Variants in WWOX observed in about 807,000 individuals in gnomAD.
WWOX encodes WW domain containing oxidoreductase, also known as WW domain-containing oxidoreductase.
A neutral mutation model predicts 46.2 loss-of-function variants in WWOX; 69 were observed. The ratio of observed to expected loss-of-function variants is 1.49; its 90% CI spans 1.23 to 1.82. The LOEUF is 1.82. WWOX is among the 40% of genes most tolerant of loss of function. WWOX has a pLI of 0.00. For synonymous variants in WWOX, 359 were observed against 202.6 expected, an observed-to-expected ratio of 1.77 and a Z score of -6.56; for missense variants, 919 against 542.6, an observed-to-expected ratio of 1.69 and a Z score of -6.89.
intron 8 of WWOX, among the ~76,000 whole-genome samples, chr16:78,635,953 GA>G (rs1480604802): frequency 6.6e-6 from 1 of 152,184 alleles, no homozygotes; most frequent in Non-Finnish European, 1.5e-5. Context: ...TGGAAGTACA[GA>G]GGAAGCCTTG....
chr16:79,118,366 A>G (rs557551800), intron 8 of WWOX, among the ~76,000 whole-genome samples: 1 of 152,362 alleles, frequency 6.6e-6, no homozygotes, highest in African/African-American at 2.4e-5. Context: ...CCAAAAAATG[A>G]CAATGGGGAC....
At chr16:78,106,095 C>T (rs1042971597) in intron 1 of WWOX, among the ~76,000 whole-genome samples, 1 of 152,236 alleles carries the variant, frequency 6.6e-6, no homozygotes, top group Admixed American at 6.5e-5. Context: ...AGCCACCGTA[C>T]CCCGCCACTC....
intron 8 of WWOX, among the ~76,000 whole-genome samples, chr16:78,628,327 C>T (rs889329793): frequency 6.6e-6 from 1 of 152,116 alleles, no homozygotes; most frequent in Non-Finnish European, 1.5e-5. Context: ...AGAATCTCAG[C>T]CTTCCAGCAG....
At chr16:79,149,663 C>T (rs950581474) in intron 8 of WWOX, among the ~76,000 whole-genome samples, 2 of 152,208 alleles carry the variant, frequency 1.3e-5, no homozygotes, top group Non-Finnish European at 2.9e-5. Flanking sequence ...CATAAATAAT[C>T]TGCCTGCTTA....
intron 4 of WWOX, among the ~76,000 whole-genome samples, chr16:78,137,830 C>T (rs1334650601): frequency 7.3e-6 from 1 of 137,024 alleles, no homozygotes; most frequent in East Asian, 1.9e-4. Context: ...GCTCTATGTG[C>T]TGTACTTGAG....
At chr16:78,629,018 CA>C (rs1474326697) in intron 8 of WWOX, among the ~76,000 whole-genome samples, 2 of 152,156 alleles carry the variant, frequency 1.3e-5, no homozygotes, top group African/African-American at 2.4e-5. Flanking sequence ...GAACCCGTTC[CA>C]AAAACTGGAT....
At chr16:78,626,901 A>T (rs1053253763) in intron 8 of WWOX, among the ~76,000 whole-genome samples, 1 of 152,114 alleles carries the variant, frequency 6.6e-6, no homozygotes, top group South Asian at 2.1e-4. Flanking sequence ...ATTTTTCCAG[A>T]TGGAACAATT....
chr16:78,692,370 T>G (rs559092868), intron 8 of WWOX, among the ~76,000 whole-genome samples: 1 of 152,312 alleles, frequency 6.6e-6, no homozygotes, highest in South Asian at 2.1e-4. Flanking sequence ...TTCCCAAAGC[T>G]TCAGTCCTTA....
At chr16:79,131,122 G>A (rs1440903065) in intron 8 of WWOX, among the ~76,000 whole-genome samples, 1 of 152,124 alleles carries the variant, frequency 6.6e-6, no homozygotes, top group Non-Finnish European at 1.5e-5. Flanking sequence ...CAGACTCCAT[G>A]CTGCCCCTGC....
At chr16:78,521,882 G>C (rs141847288) in intron 8 of WWOX, among the ~76,000 whole-genome samples, 206 of 152,182 alleles carry the variant, frequency 1.4e-3, no homozygotes, top group African/African-American at 4.7e-3. Context: ...CATAGGAGAA[G>C]GAGGATATTC....
intron 8 of WWOX, among the ~76,000 whole-genome samples, chr16:79,177,690 T>C (rs2050828354): frequency 6.6e-6 from 1 of 152,186 alleles, no homozygotes; most frequent in South Asian, 2.1e-4. Flanking sequence ...GCACTTACAT[T>C]TGAGCCATAT....
chr16:79,103,303 C>A (rs918588603), intron 8 of WWOX, among the ~76,000 whole-genome samples: 1 of 152,224 alleles, frequency 6.6e-6, no homozygotes, highest in Non-Finnish European at 1.5e-5. Context: ...TATGAAGTGA[C>A]TGTTCTCCTC....
chr16:78,757,392 A>G lies in WWOX; in HGVS notation c.1056+324640A>G, dbSNP rs540805697. Among the ~76,000 whole-genome samples, 15 of 152,228 alleles carry G rather than the reference A, an allele frequency of 9.9e-5. No individual in the cohort carries two copies. In the South Asian group the frequency reaches 1.2e-3, roughly 13 times the overall value. ...ATTTAGAGGGAGCTGCGCTTTTGCAAAGGTACATAGGACACTGTCTGTTGC... is the reference window on the plus strand; with the variant it reads ...ATTTAGAGGGAGCTGCGCTTTTGCAGAGGTACATAGGACACTGTCTGTTGC... On this transcript the variant is annotated intron_variant, in intron 8 of 8. Transcript: ENST00000566780.
chr16:78,135,027 A>G (rs954670543), intron 4 of WWOX, among the ~76,000 whole-genome samples: 2 of 152,206 alleles, frequency 1.3e-5, no homozygotes, highest in African/African-American at 4.8e-5. Flanking sequence ...TCACCTGCGC[A>G]TTGAAAAATC....
Position 79,211,742 on chromosome 16 carries a change from G to T in WWOX, c.1191G>T (p.Leu397=), listed in dbSNP as rs749223740. ...EAQSEETART[L]WALSERLIQE... is the part of the protein sequence containing the mutation. ...AGAGCGAAGAGACGGCCCGGACCCT[G>T]TGGGCGCTCAGCGAGAGGCTGATCC... Residue 397 remains leucine, a synonymous_variant, in exon 9 of 9, where the codon CTG becomes CTT. Transcript: ENST00000566780. 1.2e-6 allele frequency: 2 copies of T among 1,614,214 alleles called. No homozygotes were observed. The highest frequency in any genetic ancestry group is 1.1e-5 in the South Asian group (1 of 91,082).
At chr16:78,490,224 A>AT (rs2084745294) in intron 8 of WWOX, among the ~76,000 whole-genome samples, 1 of 139,234 alleles carries the variant, frequency 7.2e-6, no homozygotes, top group Non-Finnish European at 1.5e-5. Flanking sequence ...TAGCTGGGTG[A>AT]TAATATATGG....
chr16:79,122,529 CTCTA>C (rs994800067), intron 8 of WWOX, among the ~76,000 whole-genome samples: 4 of 151,488 alleles, frequency 2.6e-5, no homozygotes, highest in Non-Finnish European at 5.9e-5. Context: ...CCTTCCTTCT[CTCTA>C]TCCTTCCTTT....
chr16:79,195,533 T>C (rs1172286047), intron 8 of WWOX, among the ~76,000 whole-genome samples: 1 of 152,116 alleles, frequency 6.6e-6, no homozygotes, highest in Non-Finnish European at 1.5e-5. Flanking sequence ...GAATGGGGGA[T>C]CTCAGCAGCA....
chr16:79,199,695 T>TTA (rs1311397959), intron 8 of WWOX, among the ~76,000 whole-genome samples: 1 of 152,082 alleles, frequency 6.6e-6, no homozygotes, highest in East Asian at 1.9e-4. Flanking sequence ...GAGGACTGCC[T>TTA]TGTAAAGTCA....
Sources: gnomAD v4.1 joint callset for allele counts (sites outside exome capture counted in the v4.1 genomes callset) on GRCh38, gnomAD v4.1.1 for gene constraint, MANE v1.5 for transcripts, NCBI Gene and HGNC (gene_info 2026-07-23, HGNC 2026-07-21) for gene names.